STYXL2: variants seen among roughly 807,000 people sequenced by gnomAD.
STYXL2 encodes the protein serine/threonine/tyrosine-interacting-like protein 2.
A neutral mutation model predicts 52.4 loss-of-function variants in STYXL2; 44 were observed. The observed-to-expected ratio is 0.84, with a 90% confidence interval of 0.66 to 1.08. The LOEUF is 1.08. Among genes scored for constraint, STYXL2 ranks in the 50% least tolerant of loss-of-function variants. STYXL2 has a pLI of 0.00. For synonymous variants in STYXL2, 604 were observed against 586.9 expected (o/e 1.03, Z -0.42); for missense variants, 1,604 against 1,471.7 (o/e 1.09, Z -1.47).
At position 167,126,970 on chromosome 1, in the gene STYXL2, G is replaced by T. The variant is rs778336860; in HGVS notation, c.1839G>T (p.Lys613Asn). 3 of 1,610,268 alleles carry T rather than the reference G, an allele frequency of 1.9e-6. No homozygotes were observed. The highest frequency in any genetic ancestry group is 1.7e-6 in the Non-Finnish European group (2 of 1,178,142). The change falls in exon 6 of 6, where the codon AAG becomes AAT. Residue 613 changes from lysine (K) to asparagine (N), a missense_variant. Coordinates refer to ENST00000361200, the MANE Select transcript of STYXL2 (RefSeq NM_001080426.3). ...AGGAGGAGGTGGTGGAGCTCAGCAA[G>T]GGGGAGGACTCGGCCTTGGCTAAGA... ...ENKEEVVELS[K>N]GEDSALAKKR...
At chr1:167,112,242 C>T (rs1667635512) in intron 2 of STYXL2, among the ~76,000 whole-genome samples, 1 of 152,124 alleles carries the variant, frequency 6.6e-6, no homozygotes, top group South Asian at 2.1e-4. Context: ...TCATGCTGTC[C>T]CTGAGGTTGC....
intron 3 of STYXL2, among the ~76,000 whole-genome samples, chr1:167,117,023 ATACT>A (rs147819434): frequency 0.017 from 2,637 of 152,300 alleles, 28 homozygotes; most frequent in Non-Finnish European, 0.027. Context: ...AGTACACCTA[ATACT>A]TAAGGAACTT....
intron 2 of STYXL2, among the ~76,000 whole-genome samples, chr1:167,111,530 A>AC (rs71073638): frequency 1.1e-4 from 16 of 139,410 alleles, no homozygotes; most frequent in African/African-American, 2.9e-4. Flanking sequence ...ACACACACAC[A>AC]AATATATATA....
At chr1:167,119,646 G>T (rs917962095) in intron 5 of STYXL2, among the ~76,000 whole-genome samples, 180 bp downstream of exon 5, 4 of 152,224 alleles carry the variant, frequency 2.6e-5, no homozygotes, top group Admixed American at 1.3e-4. Context: ...ATTACTGAGT[G>T]CCTAGCAAGT....
intron 2 of STYXL2, among the ~76,000 whole-genome samples, chr1:167,112,506 T>C (rs1434702893): frequency 6.6e-6 from 1 of 152,218 alleles, no homozygotes; most frequent in African/African-American, 2.4e-5. Flanking sequence ...ATCTGATGCA[T>C]GCATCTAGGC....
At chr1:167,103,226 A>C (rs1016326161) in intron 2 of STYXL2, among the ~76,000 whole-genome samples, 1 of 152,154 alleles carries the variant, frequency 6.6e-6, no homozygotes, top group African/African-American at 2.4e-5. Context: ...CTCATCTCAA[A>C]AGCTTTAACT....
In STYXL2 at chr1:167,126,994, G is replaced by A. The variant is rs1348544299; in HGVS notation, c.1863G>A (p.Lys621=). The A allele has an allele frequency of 6.2e-7, 1 of 1,608,346 alleles. No individual in the cohort carries two copies. Among genetic ancestry groups the A allele is most frequent in the Non-Finnish European group, 8.5e-7 (1 of 1,176,852 alleles). ...LSKGEDSALA[K]KRQRRLELLE... is the part of the protein sequence containing the mutation. The stretch of plus-strand genomic sequence containing the variant: ...AGGGGGAGGACTCGGCCTTGGCTAA[G>A]AAGAGACAACGGAGGCTGGAGCTGC... The change falls in exon 6 of 6, where the codon AAG becomes AAA. Residue 621 remains lysine, a synonymous_variant. Coordinates refer to ENST00000361200, the MANE Select transcript of STYXL2 (RefSeq NM_001080426.3).
In STYXL2 at chr1:167,128,113, C is replaced by T. The variant is rs745913339; in HGVS notation, c.2982C>T (p.His994=). The change falls in exon 6 of 6, where the codon CAC becomes CAT. Residue 994 remains histidine, a synonymous_variant. Transcript: ENST00000361200. ...AGGAACAGGACACCTCCTCCTACCACGAGGCAAATGGCAACTCTGTAAGAA... is the reference window on the plus strand; with the variant it reads ...AGGAACAGGACACCTCCTCCTACCATGAGGCAAATGGCAACTCTGTAAGAA... ...QSEEQDTSSY[H]EANGNSVRST... is the part of the protein sequence containing the mutation. 1.4e-5 allele frequency: 22 copies of T among 1,614,094 alleles called. No homozygotes were observed. Among genetic ancestry groups the T allele is most frequent in the African/African-American group, 4.0e-5 (3 of 74,934 alleles).
At chr1:167,094,665 G>A (rs961113723) in intron 1 of STYXL2, among the ~76,000 whole-genome samples, 169 bp from the exon 2 acceptor site, 3 of 151,944 alleles carry the variant, frequency 2.0e-5, no homozygotes, top group African/African-American at 2.4e-5. Context: ...TTGGTGTCCC[G>A]GTAACAGTGG....
intron 2 of STYXL2, among the ~76,000 whole-genome samples, chr1:167,103,933 A>G (rs1454458284): frequency 6.6e-6 from 1 of 152,126 alleles, no homozygotes; most frequent in Non-Finnish European, 1.5e-5. Context: ...CATCCTGGCT[A>G]ACACGGTGAA....
At chr1:167,109,070 A>G (rs1260674797) in intron 2 of STYXL2, among the ~76,000 whole-genome samples, 1 of 152,130 alleles carries the variant, frequency 6.6e-6, no homozygotes, top group East Asian at 1.9e-4. Flanking sequence ...GTCCTTGGGG[A>G]GGGCAGCCAG....
At chr1:167,115,855 G>C (rs998437139) in intron 3 of STYXL2, among the ~76,000 whole-genome samples, 2 of 152,164 alleles carry the variant, frequency 1.3e-5, no homozygotes, top group Non-Finnish European at 2.9e-5. Context: ...GGTCCCTCAG[G>C]GGGGTTAGAG....
At position 167,128,240 on chromosome 1, in the gene STYXL2, C is replaced by CCAGA; in HGVS notation, c.3110_3113dup (p.Glu1038AspfsTer45). 1 of 1,614,156 alleles carries CCAGA rather than the reference C, an allele frequency of 6.2e-7. No individual in the cohort carries two copies. The highest frequency in any genetic ancestry group is 1.1e-5 in the South Asian group (1 of 91,084). On this transcript the variant is annotated frameshift_variant, in exon 6 of 6. Transcript: ENST00000361200. LOFTEE classifies it high-confidence loss of function. Reference sequence around the variant, plus strand: ...GACCTCAAGTTCCCGAGAGGAGAGCCCAGAGCCCTACTTCTTCCGCCGGAC... The same window carrying CCAGA: ...GACCTCAAGTTCCCGAGAGGAGAGCCCAGACAGAGCCCTACTTCTTCCGCCGGAC...
intron 5 of STYXL2, among the ~76,000 whole-genome samples, chr1:167,119,846 A>G (rs1028520492): frequency 8.5e-5 from 13 of 152,186 alleles, no homozygotes; most frequent in African/African-American, 2.7e-4. Flanking sequence ...AGCATGGGGG[A>G]GGAGGCCTTC....
rs569584250 is a variant in STYXL2, at chr1:167,110,964, T to A, written c.111-2746T>A. Among the ~76,000 whole-genome samples, 9 of 152,364 alleles carry A rather than the reference T, an allele frequency of 5.9e-5. No homozygotes were observed. The South Asian group carries it at 1.7e-3, about 28-fold the overall frequency. ...GGCTTATTCCTGTGAATAAACCTGT[T>A]TGGCCATTGAGATGCTTTCTCTCCA... On this transcript the variant is annotated intron_variant, in intron 2 of 5. Coordinates refer to ENST00000361200, the MANE Select transcript of STYXL2 (RefSeq NM_001080426.3).
rs1174227960 is a variant in STYXL2, at chr1:167,126,628, C to G, written c.1497C>G (p.Ser499Arg). ...CTTCCCGGAGGTACCACGCCAAGAG[C>G]AAGAGAGAGGAGGCGGCAGACAGGA... ...KEASRRYHAK[S>R]KREEAADRSS... Residue 499 changes from serine (S) to arginine (R), a missense_variant, in exon 6 of 6, where the codon AGC (serine) becomes AGG (arginine). Physicochemically the swap from Ser to Arg is moderately radical, Grantham distance 110 (BLOSUM62 -1). Transcript: ENST00000361200. 6.2e-7 allele frequency: 1 copy of G among 1,614,036 alleles called. No homozygotes were observed. Among genetic ancestry groups the G allele is most frequent in the East Asian group, 2.2e-5 (1 of 44,838 alleles).
chr1:167,109,973 C>G (rs561167506), intron 2 of STYXL2, among the ~76,000 whole-genome samples: 48 of 152,326 alleles, frequency 3.2e-4, no homozygotes, highest in African/African-American at 9.4e-4. Context: ...GTCCATTTCA[C>G]TCCCCTACTA....
At position 167,126,835 on chromosome 1, in the gene STYXL2, T is replaced by G. The variant is rs749967832; in HGVS notation, c.1704T>G (p.Gly568=). 6.2e-7 allele frequency: 1 copy of G among 1,614,080 alleles called. No individual in the cohort carries two copies. The highest frequency in any genetic ancestry group is 8.5e-7 in the Non-Finnish European group (1 of 1,180,018). Residue 568 remains glycine (G), a synonymous_variant, in exon 6 of 6, where the codon GGT becomes GGG. Transcript: ENST00000361200. ...KKDLGAGDSS[G]EPGAEEAVGE... ...ACTTGGGAGCGGGAGACAGCAGCGG[T>G]GAGCCCGGTGCAGAGGAGGCAGTAG...
At chr1:167,104,298 T>G (rs953105382) in intron 2 of STYXL2, among the ~76,000 whole-genome samples, 1 of 152,196 alleles carries the variant, frequency 6.6e-6, no homozygotes, top group African/African-American at 2.4e-5. Flanking sequence ...TGACTTTATA[T>G]CTTTCCAAGT....
Sources: gnomAD v4.1 joint callset for allele counts (sites outside exome capture counted in the v4.1 genomes callset) on GRCh38, gnomAD v4.1.1 for gene constraint, MANE v1.5 for transcripts, NCBI Gene and HGNC (gene_info 2026-07-23, HGNC 2026-07-21) for gene names.